The following ADAMTS8 variants were observed in gnomAD, a reference collection of about 807,000 sequenced individuals.
The protein encoded by ADAMTS8 is ADAM metallopeptidase with thrombospondin type 1 motif 8, also known as A disintegrin and metalloproteinase with thrombospondin motifs 8.
A neutral mutation model predicts 64.4 loss-of-function variants in ADAMTS8; 50 were observed. The ratio of observed to expected loss-of-function variants is 0.78; its 90% CI spans 0.62 to 0.98. ADAMTS8 has a LOEUF of 0.98. Ranked by LOEUF, ADAMTS8 falls within the 50% of genes least tolerant of loss-of-function variation. The pLI, the probability that ADAMTS8 is intolerant of heterozygous loss-of-function variation, is 0.00. For missense variants in ADAMTS8, 1,192 were observed against 1,208.2 expected, an observed-to-expected ratio of 0.99 and a Z score of 0.20; for synonymous variants, 556 against 533.6, an observed-to-expected ratio of 1.04 and a Z score of -0.58.
chr11:130,411,749 A>G lies in ADAMTS8; in HGVS notation c.1567-149T>C. 1.3e-6 allele frequency: 1 copy of G among 781,842 alleles called. No individual in the cohort carries two copies. The highest frequency in any genetic ancestry group is 2.0e-6 in the Non-Finnish European group (1 of 498,414). 48.4% of individuals were successfully genotyped at this position (781,842 alleles called of 1,614,324 possible). ...CGTAAACTGCCTCAATCATTTGTTT[A>G]ATGACTGTGTGGCCTGCATGGCTTT... On this transcript the variant is annotated intron_variant, in intron 5 of 8. Coordinates refer to ENST00000257359, the MANE Select transcript of ADAMTS8 (RefSeq NM_007037.6). The surrounding 1 kb of genome is among the most constrained non-coding windows in gnomAD (Gnocchi z 4.2).
In ADAMTS8 at chr11:130,414,842, G is replaced by A. The variant is rs1237149739; in HGVS notation, c.1265-10C>T. 1 of 1,598,734 alleles carries A rather than the reference G, an allele frequency of 6.3e-7. No individual in the cohort carries two copies. The highest frequency in any genetic ancestry group is 8.5e-7 in the Non-Finnish European group (1 of 1,171,478). On this transcript the variant is annotated splice_polypyrimidine_tract_variant and intron_variant, in intron 4 of 8. Coordinates refer to ENST00000257359, the MANE Select transcript of ADAMTS8 (RefSeq NM_007037.6). ...TCCAGGAGACAGTCTCCTGGGAAAAGAGGAAGCAGGGGTGTAAGAACATGC... is the reference window on the plus strand; with the variant it reads ...TCCAGGAGACAGTCTCCTGGGAAAAAAGGAAGCAGGGGTGTAAGAACATGC...
chr11:130,405,194 T>C lies in ADAMTS8; in HGVS notation c.*364A>G, dbSNP rs1184983498. The C allele has an allele frequency of 9.7e-7, 1 of 1,032,198 alleles. No homozygotes were observed. The highest frequency in any genetic ancestry group is 1.2e-6 in the Non-Finnish European group (1 of 860,638). The allele number at this position is 1,032,198 out of a possible 1,614,324, so 63.9% of individuals were successfully genotyped here. A position where few individuals can be genotyped will look rare whatever the true frequency, so the allele number is the denominator to read the frequency against. On this transcript the variant is annotated 3_prime_UTR_variant, in exon 9 of 9. Transcript: ENST00000257359. ...TTTTTCCCCTGTGAGGTAGATTATT[T>C]ATCGGGGAAACCAGATAGAATTTTT...
intron 8 of ADAMTS8, among the ~76,000 whole-genome samples, chr11:130,407,019 A>G (rs1215881340): frequency 6.6e-6 from 1 of 152,190 alleles, no homozygotes; most frequent in East Asian, 1.9e-4. Context: ...CAAGGGACCC[A>G]GTATCTGAAT....
In ADAMTS8 at chr11:130,411,436, C is replaced by G. The variant is rs187466669; in HGVS notation, c.1731G>C (p.Thr577=). Residue 577 remains threonine, a synonymous_variant, in exon 6 of 9, where the codon ACG becomes ACC. Coordinates refer to ENST00000257359, the MANE Select transcript of ADAMTS8 (RefSeq NM_007037.6). This position sits in a 1 kb window ranked among gnomAD's most constrained non-coding sequence, Gnocchi z 4.2. ...GRRAKYQSCH[T]EECPPDGKSF... The stretch of plus-strand genomic sequence containing the variant: ...AATTACCGTCAGGGGGGCATTCCTC[C>G]GTGTGGCATGACTGGTACTTGGCTC... The G allele has an allele frequency of 6.2e-7, 1 of 1,614,064 alleles. No individual in the cohort carries two copies. The highest frequency in any genetic ancestry group is 1.7e-5 in the Admixed American group (1 of 59,998).
rs1275335069 is a variant in ADAMTS8, at chr11:130,416,906, G to A, written c.1096+34C>T. The A allele has an allele frequency of 6.2e-7, 1 of 1,613,750 alleles. No individual in the cohort carries two copies. The highest frequency in any genetic ancestry group is 1.1e-5 in the South Asian group (1 of 91,078). On this transcript the variant is annotated intron_variant, in intron 3 of 8. Transcript: ENST00000257359. The surrounding 1 kb of genome is among the most constrained non-coding windows in gnomAD (Gnocchi z 4.8). Reference sequence around the variant, plus strand: ...ATCTGGAAGAGCAGTTCCCTCCGATGTGGTGAAGTGGGCTTTGGCACAGCA... The same window carrying A: ...ATCTGGAAGAGCAGTTCCCTCCGATATGGTGAAGTGGGCTTTGGCACAGCA...
rs1862208659 is a variant in ADAMTS8, at chr11:130,428,249, AGCGGAGGCCACCGGGGG to A, written c.21_37del (p.Arg9AlafsTer185). 244 of 1,217,978 alleles carry A rather than the reference AGCGGAGGCCACCGGGGG, an allele frequency of 2.0e-4. No individual in the cohort carries two copies. Among genetic ancestry groups the A allele is most frequent in the Non-Finnish European group, 2.4e-4 (237 of 983,860 alleles). 75.4% of individuals were successfully genotyped at this position (1,217,978 alleles called of 1,614,324 possible). A position where few individuals can be genotyped will look rare whatever the true frequency, so the allele number is the denominator to read the frequency against. ...CAGCAGCAGCAGCAGCAGCAGCAGG[AGCGGAGGCCACCGGGGG>A]GCGGCGGGGGCGGGGAGCATGGGGG... On this transcript the variant is annotated frameshift_variant, in exon 1 of 9. Transcript: ENST00000257359. LOFTEE classifies it high-confidence loss of function.
rs558131486 is a variant in ADAMTS8, at chr11:130,428,540, C to G, written c.-254G>C. 2.2e-3 allele frequency: 1,706 copies of G among 774,144 alleles called. 4 individuals carry two copies. Among genetic ancestry groups the G allele is most frequent in the Admixed American group, 3.2e-3 (50 of 15,804 alleles). The allele number at this position is 774,144 out of a possible 1,614,324, so 48.0% of individuals were successfully genotyped here. On this transcript the variant is annotated 5_prime_UTR_variant, in exon 1 of 9. Transcript: ENST00000257359. ...CAGCTGGCCCCGGCCCGCGTGCGCC[C>G]GTCCTCCGCCCCTGCCCGCGCCAGC...
rs1463711156 is a variant in ADAMTS8, at chr11:130,419,104, G to A, written c.909C>T (p.Pro303=). Residue 303 remains proline, a synonymous_variant, in exon 2 of 9, where the codon CCC becomes CCT. Transcript: ENST00000257359. Reference sequence around the variant, plus strand: ...CGTAGTGCTCTGGGTGGCGGTCGCTGGGCTGGTTGAAACGCCGCTGCCAGT... The same window carrying A: ...CGTAGTGCTCTGGGTGGCGGTCGCTAGGCTGGTTGAAACGCCGCTGCCAGT... The part of the protein sequence containing the change: ...FCNWQRRFNQ[P]SDRHPEHYDT... The A allele has an allele frequency of 6.2e-7, 1 of 1,614,164 alleles. No individual in the cohort carries two copies. The highest frequency in any genetic ancestry group is 1.1e-5 in the South Asian group (1 of 91,072).
chr11:130,428,350 G>A lies in ADAMTS8; in HGVS notation c.-64C>T. On this transcript the variant is annotated 5_prime_UTR_variant, in exon 1 of 9. Coordinates refer to ENST00000257359, the MANE Select transcript of ADAMTS8 (RefSeq NM_007037.6). ...AGCCCGCCAGGCGCGGGCAGGTGCT[G>A]GCGGCCCGAGCGCGGCCCGGCCGCT... 1.6e-6 allele frequency: 2 copies of A among 1,248,516 alleles called. No homozygotes were observed. The highest frequency in any genetic ancestry group is 1.6e-5 in the African/African-American group (1 of 62,958). The allele number at this position is 1,248,516 out of a possible 1,614,324, so 77.3% of individuals were successfully genotyped here. A position where few individuals can be genotyped will look rare whatever the true frequency, so the allele number is the denominator to read the frequency against.
intron 1 of ADAMTS8, 83 bp downstream of exon 1, chr11:130,427,473 TTCTCAGAGGGA>T: frequency 2.2e-6 from 2 of 890,410 alleles, no homozygotes; most frequent in Non-Finnish European, 3.0e-6. Flanking sequence ...TTTTTTTTTT[TTCTCAGAGGGA>T]TTGGAAGGGG....
chr11:130,416,211 A>G lies in ADAMTS8; in HGVS notation c.1216T>C (p.Ser406Pro). ...FVHLNQTLPW[S>P]PCSAMYLTEL... Reference sequence around the variant, plus strand: ...GTGAGATACATGGCGCTGCAGGGGGACCAGGGCAGCGTCTGGTTCAGGTGG... The same window carrying G: ...GTGAGATACATGGCGCTGCAGGGGGGCCAGGGCAGCGTCTGGTTCAGGTGG... Residue 406 changes from serine (S) to proline (P), a missense_variant, in exon 4 of 9, where the codon TCC becomes CCC. By Grantham distance (74) the Ser-to-Pro change is moderately conservative. Coordinates refer to ENST00000257359, the MANE Select transcript of ADAMTS8 (RefSeq NM_007037.6). This position sits in a 1 kb window ranked among gnomAD's most constrained non-coding sequence, Gnocchi z 4.8. 1 of 1,597,148 alleles carries G rather than the reference A, an allele frequency of 6.3e-7. No homozygotes were observed. The highest frequency in any genetic ancestry group is 8.5e-7 in the Non-Finnish European group (1 of 1,172,584).
chr11:130,412,304 C>G lies in ADAMTS8; in HGVS notation c.1567-704G>C, dbSNP rs145964279. On this transcript the variant is annotated intron_variant, in intron 5 of 8. Transcript: ENST00000257359. ...TCTCGGCTCACTGCAACCTCCGCCTCCTGGGTTCAAATGATTCCTGTGCCT... is the reference window on the plus strand; with the variant it reads ...TCTCGGCTCACTGCAACCTCCGCCTGCTGGGTTCAAATGATTCCTGTGCCT... 5.7e-3 allele frequency among the ~76,000 whole-genome samples: 874 copies of G among 152,296 alleles called. 25 individuals are homozygous for G. The highest frequency in any genetic ancestry group is 0.032 in the Admixed American group (491 of 15,300).
chr11:130,416,572 T>C lies in ADAMTS8; in HGVS notation c.1097-242A>G, dbSNP rs755229013. Reference sequence around the variant, plus strand: ...CCTGAATTTGGATCTAGCTCTGTTATTTGCCCTCTCACATGACAGTCCCTG... The same window carrying C: ...CCTGAATTTGGATCTAGCTCTGTTACTTGCCCTCTCACATGACAGTCCCTG... On this transcript the variant is annotated intron_variant, in intron 3 of 8. Transcript: ENST00000257359. This position sits in a 1 kb window ranked among gnomAD's most constrained non-coding sequence, Gnocchi z 4.8. Among the ~76,000 whole-genome samples the C allele has an allele frequency of 6.6e-6, 1 of 152,226 alleles. No homozygotes were observed. The highest frequency in any genetic ancestry group is 1.5e-5 in the Non-Finnish European group (1 of 68,038).
intron 1 of ADAMTS8, among the ~76,000 whole-genome samples, chr11:130,421,676 A>G (rs925415891): frequency 6.6e-6 from 1 of 152,118 alleles, no homozygotes; most frequent in Non-Finnish European, 1.5e-5. Context: ...AATGCCTTAT[A>G]TATGCGGTGC....
At position 130,405,595 on chromosome 11, in the gene ADAMTS8, T is replaced by C. The variant is rs1430390510; in HGVS notation, c.2633A>G (p.Asp878Gly). 3 of 1,610,010 alleles carry C rather than the reference T, an allele frequency of 1.9e-6. No homozygotes were observed. Among genetic ancestry groups the C allele is most frequent in the Non-Finnish European group, 8.5e-7 (1 of 1,176,840 alleles). ...CAGCTGGCTTTCGCAGGGCTTGGCA[T>C]CCTCGGGTTTCAGAGCCTTGTTGCA... is the stretch of plus-strand genomic sequence containing the variant. Reference protein sequence around the residue: ...ATCNKALKPEDAKPCESQLCP... With the variant: ...ATCNKALKPEGAKPCESQLCP... Residue 878 changes from aspartate to glycine, a missense_variant, in exon 9 of 9, where the codon GAT (aspartate) becomes GGT (glycine). Asp to Gly is a moderately conservative substitution (Grantham distance 94). Coordinates refer to ENST00000257359, the MANE Select transcript of ADAMTS8 (RefSeq NM_007037.6).
At position 130,416,834 on chromosome 11, in the gene ADAMTS8, A is replaced by G; in HGVS notation, c.1096+106T>C. ...CACCCTGTCAAAATTAGGAGGAGCT[A>G]TTCCTAAGCAAGGGCCGCATATTCC... On this transcript the variant is annotated intron_variant, in intron 3 of 8. Transcript: ENST00000257359. This position sits in a 1 kb window ranked among gnomAD's most constrained non-coding sequence, Gnocchi z 4.8. The G allele has an allele frequency of 1.3e-6, 2 of 1,536,398 alleles. No homozygotes were observed. The highest frequency in any genetic ancestry group is 1.7e-5 in the Admixed American group (1 of 57,952).
chr11:130,424,553 C>A (rs558117584), intron 1 of ADAMTS8, among the ~76,000 whole-genome samples: 126 of 152,276 alleles, frequency 8.3e-4, no homozygotes, highest in African/African-American at 2.9e-3. Flanking sequence ...CCTCCACACC[C>A]CTGATTACCA....
intron 6 of ADAMTS8, among the ~76,000 whole-genome samples, chr11:130,410,028 G>A (rs576687593): frequency 6.6e-6 from 1 of 152,316 alleles, no homozygotes; most frequent in East Asian, 1.9e-4. Context: ...ACATAGTGGT[G>A]TGCTTTGCTT....
In ADAMTS8 at chr11:130,416,995, G is replaced by A. The variant is rs1862035038; in HGVS notation, c.1041C>T (p.Cys347=). Residue 347 remains cysteine (C), a synonymous_variant, in exon 3 of 9, where the codon TGC becomes TGT. Transcript: ENST00000257359. This position sits in a 1 kb window ranked among gnomAD's most constrained non-coding sequence, Gnocchi z 4.8. ...GGAGCCCCTCATCCTCGATCACGGA[G>A]CAGCTTTTGTTGGGGTCACAAATGG... ...IGTICDPNKS[C]SVIEDEGLQA... 2 of 1,614,122 alleles carry A rather than the reference G, an allele frequency of 1.2e-6. No homozygotes were observed. The highest frequency in any genetic ancestry group is 1.7e-6 in the Non-Finnish European group (2 of 1,180,036).
Sources: allele counts gnomAD v4.1 joint callset (sites outside exome capture counted in the v4.1 genomes callset), GRCh38; gene constraint gnomAD v4.1.1; non-coding constraint Gnocchi (gnomAD v3.1); transcripts MANE v1.5; gene names NCBI Gene and HGNC (gene_info 2026-07-23, HGNC 2026-07-21).